The following COL19A1 variants were observed in gnomAD, a reference collection of about 807,000 sequenced individuals.
COL19A1 encodes collagen type XIX alpha 1 chain.
COL19A1 carries 159 observed loss-of-function variants against 190.2 expected under a neutral mutation model. The observed-to-expected ratio is 0.84, with a 90% confidence interval of 0.73 to 0.95. COL19A1 has a LOEUF of 0.95. Among genes scored for constraint, COL19A1 ranks in the 40% least tolerant of loss-of-function variants. The pLI, the probability that COL19A1 is intolerant of heterozygous loss-of-function variation, is 0.00. For missense variants in COL19A1, 1,418 were observed against 1,431.9 expected (o/e 0.99, Z 0.16); for synonymous variants, 509 against 458.9 (o/e 1.11, Z -1.39).
chr6:70,073,740 T>C (rs960859335), intron 15 of COL19A1, among the ~76,000 whole-genome samples: 2 of 152,182 alleles, frequency 1.3e-5, no homozygotes, highest in Admixed American at 6.5e-5. Flanking sequence ...GAGTAGACTA[T>C]TGCCTTTTCC....
chr6:69,910,876 G>T (rs917237944), intron 4 of COL19A1, among the ~76,000 whole-genome samples: 1 of 152,138 alleles, frequency 6.6e-6, no homozygotes, highest in African/African-American at 2.4e-5. Flanking sequence ...TCATAAAAAT[G>T]CTATTTGAGG....
At chr6:70,101,620 C>G (rs1284201988) in intron 15 of COL19A1, among the ~76,000 whole-genome samples, 1 of 152,114 alleles carries the variant, frequency 6.6e-6, no homozygotes, top group Non-Finnish European at 1.5e-5. Context: ...GCAGTGCTTT[C>G]CAAATTTTAG....
chr6:70,062,083 C>T (rs912913776), intron 14 of COL19A1, among the ~76,000 whole-genome samples: 2 of 151,834 alleles, frequency 1.3e-5, no homozygotes, highest in Non-Finnish European at 2.9e-5. Flanking sequence ...AAAACATAGA[C>T]TCCATATGCC....
intron 41 of COL19A1, among the ~76,000 whole-genome samples, chr6:70,173,480 A>G (rs1338521816): frequency 1.3e-5 from 2 of 152,206 alleles, no homozygotes; most frequent in South Asian, 2.1e-4. Flanking sequence ...GTATCCTACA[A>G]TCCAAGAGAG....
intron 27 of COL19A1, 108 bp downstream of exon 27, chr6:70,146,997 A>C: frequency 1.1e-6 from 1 of 911,456 alleles, no homozygotes. Flanking sequence ...ACGGAAATAC[A>C]AATAAACACT....
intron 4 of COL19A1, among the ~76,000 whole-genome samples, chr6:69,922,896 T>C (rs574718071): frequency 2.0e-5 from 3 of 152,204 alleles, no homozygotes; most frequent in Non-Finnish European, 4.4e-5. Context: ...CTGTTGGGAC[T>C]GCACTTAGGC....
At chr6:69,953,725 G>A (rs1774256409) in intron 9 of COL19A1, among the ~76,000 whole-genome samples, 1 of 151,930 alleles carries the variant, frequency 6.6e-6, no homozygotes, top group South Asian at 2.1e-4. Context: ...TGGCACCCAG[G>A]CACTTGACTT....
chr6:70,054,547 T>C (rs1470720179), intron 14 of COL19A1, among the ~76,000 whole-genome samples: 4 of 152,186 alleles, frequency 2.6e-5, no homozygotes, highest in Non-Finnish European at 5.9e-5. Flanking sequence ...TAAATTTGAA[T>C]CTGTATGTAA....
intron 11 of COL19A1, among the ~76,000 whole-genome samples, chr6:69,981,591 A>G (rs942650813): frequency 3.3e-5 from 5 of 152,010 alleles, no homozygotes; most frequent in Non-Finnish European, 7.4e-5. Flanking sequence ...AAGAAATTAA[A>G]AAGTGAGAGG....
At chr6:70,019,256 T>C (rs1200350747) in intron 11 of COL19A1, among the ~76,000 whole-genome samples, 1 of 152,160 alleles carries the variant, frequency 6.6e-6, no homozygotes, top group South Asian at 2.1e-4. Flanking sequence ...TTACCCACTT[T>C]GTGTGGTTAC....
intron 11 of COL19A1, among the ~76,000 whole-genome samples, chr6:69,996,909 A>G (rs1365822895): frequency 1.4e-5 from 2 of 147,742 alleles, no homozygotes; most frequent in Non-Finnish European, 3.0e-5. Context: ...CTCTCTCTCA[A>G]AAAGACTTGT....
rs79503675 is a variant in COL19A1 at position 70,196,865 on chromosome 6, A to G, written c.3095-2743A>G. On this transcript the variant is annotated intron_variant, in intron 48 of 50. Coordinates refer to ENST00000620364, the MANE Select transcript of COL19A1 (RefSeq NM_001858.6). ...TTTACAATTCATCTGGATGCTCTGA[A>G]ACATATTATTGTAAATTATAGAGCA... Among the ~76,000 whole-genome samples, 1,204 of 152,302 alleles carry G rather than the reference A, an allele frequency of 7.9e-3. 19 individuals are homozygous for G. The highest frequency in any genetic ancestry group is 0.027 in the African/African-American group (1,114 of 41,566).
At chr6:70,055,781 TAA>T (rs55871207) in intron 14 of COL19A1, among the ~76,000 whole-genome samples, 1,279 of 117,398 alleles carry the variant, frequency 0.011, 13 homozygotes, top group African/African-American at 0.018. Context: ...AACTCTGTAT[TAA>T]AAAAAAAAAA....
intron 16 of COL19A1, among the ~76,000 whole-genome samples, chr6:70,117,732 C>A (rs1024084969): frequency 6.6e-6 from 1 of 152,178 alleles, no homozygotes; most frequent in Non-Finnish European, 1.5e-5. Flanking sequence ...ATACTCACCA[C>A]ATTAATCCAG....
At chr6:70,046,823 TGA>T (rs1220343414) in intron 14 of COL19A1, among the ~76,000 whole-genome samples, 1 of 152,192 alleles carries the variant, frequency 6.6e-6, no homozygotes, top group Admixed American at 6.5e-5. Flanking sequence ...GCTATAAATT[TGA>T]GACTTATGGT....
chr6:69,977,431 G>T (rs1296711963), intron 11 of COL19A1, among the ~76,000 whole-genome samples: 12 of 119,572 alleles, frequency 1.0e-4, no homozygotes, highest in African/African-American at 2.8e-4. Flanking sequence ...GGGGAGGGGG[G>T]AGGGGGGAGC....
At chr6:70,115,363 G>C (rs1242780024) in intron 16 of COL19A1, among the ~76,000 whole-genome samples, 2 of 152,054 alleles carry the variant, frequency 1.3e-5, no homozygotes, top group Non-Finnish European at 2.9e-5. Context: ...CACTTCAGTT[G>C]GTTATTATAA....
rs143567013 is a variant in COL19A1, at chr6:69,899,365, C to T, written c.166+343C>T. On this transcript the variant is annotated intron_variant, in intron 3 of 50. Coordinates refer to ENST00000620364, the MANE Select transcript of COL19A1 (RefSeq NM_001858.6). The stretch of plus-strand genomic sequence containing the variant: ...ATGGGGTTTTACCATGTTAGCCAGG[C>T]TGGTCTCGAGCTCCTGGCCTCAAGT... Among the ~76,000 whole-genome samples the T allele has an allele frequency of 2.4e-3, 363 of 152,050 alleles. 3 individuals carry two copies. The highest frequency in any genetic ancestry group is 8.4e-3 in the African/African-American group (349 of 41,492).
chr6:69,962,288 C>CT (rs1240567535), intron 10 of COL19A1, among the ~76,000 whole-genome samples: 2 of 152,176 alleles, frequency 1.3e-5, no homozygotes, highest in Non-Finnish European at 2.9e-5. Context: ...CTTTCTGTGA[C>CT]TGAGCCAGCA....
Sources: gnomAD v4.1 joint callset for allele counts (sites outside exome capture counted in the v4.1 genomes callset) on GRCh38, gnomAD v4.1.1 for gene constraint, MANE v1.5 for transcripts, NCBI Gene and HGNC (gene_info 2026-07-23, HGNC 2026-07-21) for gene names.